The following PLPP1 variants were observed in gnomAD, a reference collection of about 807,000 sequenced individuals.
The protein encoded by PLPP1 is phospholipid phosphatase 1.
A neutral mutation model predicts 31.2 loss-of-function variants in PLPP1; 24 were observed. That is an observed-to-expected ratio of 0.77 (90% confidence interval 0.56 to 1.08). The LOEUF is 1.08. PLPP1 is among the 50% of genes least tolerant of loss of function. The pLI is 0.00. For synonymous variants in PLPP1, 146 were observed against 126.3 expected (o/e 1.16, Z -1.05); for missense variants, 319 against 342.7 (o/e 0.93, Z 0.55).
intron 1 of PLPP1, among the ~76,000 whole-genome samples, chr5:55,531,914 GA>G (rs1432976873): frequency 6.6e-6 from 1 of 152,126 alleles, no homozygotes; most frequent in African/African-American, 2.4e-5. Context: ...TAGGAAAAGG[GA>G]ATTCTGAGCT....
At chr5:55,481,119 C>T (rs1469155316) in intron 1 of PLPP1, among the ~76,000 whole-genome samples, 3 of 152,186 alleles carry the variant, frequency 2.0e-5, no homozygotes, top group Admixed American at 2.0e-4. Context: ...GAAAGGACAA[C>T]ATAAGAACAT....
At chr5:55,503,845 G>A (rs1473561742) in intron 1 of PLPP1, among the ~76,000 whole-genome samples, 1 of 98,960 alleles carries the variant, frequency 1.0e-5, no homozygotes, top group Non-Finnish European at 2.1e-5. Flanking sequence ...GAAGGGGAGG[G>A]GAGAGAGGAG....
chr5:55,448,449 C>CTTTTTT lies in PLPP1; in HGVS notation c.492-6547_492-6542dup, dbSNP rs11414425. On this transcript the variant is annotated intron_variant, in intron 3 of 5. Coordinates refer to ENST00000307259, the MANE Select transcript of PLPP1 (RefSeq NM_003711.4). ...AAGGACCCAAGGAAGATTCTAGCAC[C>CTTTTTT]TTTTTTTTTTTTTTTTTTGACAGAG... is the stretch of plus-strand genomic sequence containing the variant. 5.5e-5 allele frequency among the ~76,000 whole-genome samples: 7 copies of CTTTTTT among 128,206 alleles called. 1 individual carries two copies. The highest frequency in any genetic ancestry group is 8.8e-5 in the African/African-American group (3 of 34,082). The allele number at this position is 128,206 out of a possible 152,430, so 84.1% of individuals were successfully genotyped here. A position where few individuals can be genotyped will look rare whatever the true frequency, so the allele number is the denominator to read the frequency against.
rs774797670 is a variant in PLPP1 at position 55,534,558 on chromosome 5, C to A, written c.58+14G>T. On this transcript the variant is annotated intron_variant, in intron 1 of 5. Coordinates refer to ENST00000307259, the MANE Select transcript of PLPP1 (RefSeq NM_003711.4). ...AGCCGCACACGCCCCTCGGACCCGG[C>A]GGCGCGTACGTACCCAGCAACACGC... is the stretch of plus-strand genomic sequence containing the variant. The A allele has an allele frequency of 1.3e-6, 2 of 1,529,606 alleles. No homozygotes were observed. The highest frequency in any genetic ancestry group is 2.0e-5 in the Admixed American group (1 of 49,414). 94.8% of individuals were successfully genotyped at this position (1,529,606 alleles called of 1,614,324 possible).
chr5:55,488,601 G>C (rs1426976597), intron 1 of PLPP1, among the ~76,000 whole-genome samples: 1 of 151,414 alleles, frequency 6.6e-6, no homozygotes, highest in Non-Finnish European at 1.5e-5. Flanking sequence ...AGTCGAGACT[G>C]TGCCACTGCA....
At chr5:55,466,757 C>G (rs1009114923) in intron 3 of PLPP1, among the ~76,000 whole-genome samples, 2 of 151,804 alleles carry the variant, frequency 1.3e-5, no homozygotes, top group Non-Finnish European at 2.9e-5. Context: ...AGCAGGCCCA[C>G]GTTGCTTTCA....
At chr5:55,510,115 A>G (rs1753373114) in intron 1 of PLPP1, among the ~76,000 whole-genome samples, 1 of 151,858 alleles carries the variant, frequency 6.6e-6, no homozygotes, top group Non-Finnish European at 1.5e-5. Flanking sequence ...TTCTTTGCCA[A>G]AAAACATTCT....
At chr5:55,466,161 A>T (rs574653364) in intron 3 of PLPP1, among the ~76,000 whole-genome samples, 6 of 152,138 alleles carry the variant, frequency 3.9e-5, no homozygotes, top group African/African-American at 2.4e-5. Flanking sequence ...CTTTACACCC[A>T]TATCAGTCCT....
intron 4 of PLPP1, 25 bp downstream of exon 4, chr5:55,441,826 C>A: frequency 6.2e-7 from 1 of 1,604,926 alleles, no homozygotes; most frequent in South Asian, 1.1e-5. Context: ...CATAACCTAA[C>A]CGTCAACAGA....
intron 1 of PLPP1, among the ~76,000 whole-genome samples, chr5:55,512,141 G>A (rs1753429005): frequency 6.6e-6 from 1 of 151,124 alleles, no homozygotes; most frequent in Admixed American, 6.6e-5. Context: ...AAATAAAAAG[G>A]AAAAAAAGAA....
chr5:55,530,811 C>T lies in PLPP1; in HGVS notation c.58+3761G>A, dbSNP rs918870755. 1.3e-5 allele frequency: 18 copies of T among 1,378,164 alleles called. No individual in the cohort carries two copies. In the Admixed American group the frequency reaches 3.1e-4, roughly 24 times the overall value. 85.4% of individuals were successfully genotyped at this position (1,378,164 alleles called of 1,614,324 possible). A position where few individuals can be genotyped will look rare whatever the true frequency, so the allele number is the denominator to read the frequency against. ...GCTGACAGGGCGCGGTCCGCACGGG[C>T]GTTTTGAGCACCTCCTGACAGACGG... On this transcript the variant is annotated intron_variant, in intron 1 of 5. Transcript: ENST00000307259.
At chr5:55,455,558 C>A (rs186532713) in intron 3 of PLPP1, among the ~76,000 whole-genome samples, 111 of 152,312 alleles carry the variant, frequency 7.3e-4, no homozygotes, top group South Asian at 2.5e-3. Context: ...GAGGTCAAGG[C>A]TGTAGTGCGC....
intron 1 of PLPP1, among the ~76,000 whole-genome samples, chr5:55,489,642 T>C (rs1209100109): frequency 2.6e-5 from 4 of 151,854 alleles, no homozygotes; most frequent in Non-Finnish European, 5.9e-5. Flanking sequence ...TAGAAAAAAA[T>C]CTACCAGACA....
chr5:55,459,275 C>T (rs1254981113), intron 3 of PLPP1, among the ~76,000 whole-genome samples: 2 of 150,148 alleles, frequency 1.3e-5, no homozygotes, highest in African/African-American at 4.9e-5. Context: ...TTGAACAGCA[C>T]GGCCACAAGA....
chr5:55,433,127 G>T (rs1278050413), intron 4 of PLPP1, among the ~76,000 whole-genome samples: 1 of 131,434 alleles, frequency 7.6e-6, no homozygotes, highest in Non-Finnish European at 1.6e-5. Context: ...GGGCAACATG[G>T]CGACACCCCA....
At chr5:55,534,074 C>T (rs1740783837) in intron 1 of PLPP1, among the ~76,000 whole-genome samples, 1 of 152,140 alleles carries the variant, frequency 6.6e-6, no homozygotes, top group African/African-American at 2.4e-5. Context: ...TGCAACCTGA[C>T]AATTTACAAC....
intron 3 of PLPP1, among the ~76,000 whole-genome samples, chr5:55,464,974 G>A (rs1019937793): frequency 6.6e-6 from 1 of 151,740 alleles, no homozygotes; most frequent in African/African-American, 2.4e-5. Context: ...AGAGTAGTTC[G>A]ACTAGTATCT....
At chr5:55,454,035 G>C (rs944335755) in intron 3 of PLPP1, among the ~76,000 whole-genome samples, 4 of 152,204 alleles carry the variant, frequency 2.6e-5, no homozygotes, top group African/African-American at 9.6e-5. Context: ...AGGACTTAGG[G>C]GCTGTCTGAA....
chr5:55,477,653 A>G (rs574781218), intron 1 of PLPP1, among the ~76,000 whole-genome samples: 301 of 152,176 alleles, frequency 2.0e-3, no homozygotes, highest in Non-Finnish European at 3.4e-3. Flanking sequence ...TCAGCCTCCC[A>G]AAGTGTTGAG....
Sources: allele counts gnomAD v4.1 joint callset (sites outside exome capture counted in the v4.1 genomes callset), GRCh38; gene constraint gnomAD v4.1.1; transcripts MANE v1.5; gene names NCBI Gene and HGNC (gene_info 2026-07-23, HGNC 2026-07-21).